PDE3A: variants seen among roughly 807,000 people sequenced by gnomAD.
The protein encoded by PDE3A is cGMP-inhibited 3',5'-cyclic phosphodiesterase 3A.
Under a neutral mutation model 98.3 loss-of-function variants are expected in PDE3A, and 43 were observed. That is an observed-to-expected ratio of 0.44 (90% CI 0.34 to 0.56). PDE3A has a LOEUF of 0.56. PDE3A is among the 20% of genes least tolerant of loss of function. PDE3A has a pLI of 0.01. For missense variants in PDE3A, 1,427 were observed against 1,440.7 expected (o/e 0.99, Z 0.15); for synonymous variants, 663 against 567.9 (o/e 1.17, Z -2.38).
intron 1 of PDE3A, among the ~76,000 whole-genome samples, chr12:20,471,346 G>T (rs1269991079): frequency 6.6e-6 from 1 of 152,134 alleles, no homozygotes; most frequent in African/African-American, 2.4e-5. Flanking sequence ...CCCCATCCGT[G>T]ATCAATTAAA....
At chr12:20,674,023 A>C (rs987091209) in intron 15 of PDE3A, among the ~76,000 whole-genome samples, 3 of 152,022 alleles carry the variant, frequency 2.0e-5, no homozygotes, top group Non-Finnish European at 4.4e-5. Context: ...GTAGTTTTCC[A>C]TGTAGAGGTC....
At chr12:20,579,490 T>G (rs1489238744) in intron 2 of PDE3A, among the ~76,000 whole-genome samples, 2 of 152,180 alleles carry the variant, frequency 1.3e-5, no homozygotes, top group African/African-American at 2.4e-5. Flanking sequence ...AACCAATAAA[T>G]GATACTTACA....
rs117502336 is a variant in PDE3A, at chr12:20,610,427, A to G, written c.1012-3016A>G. ...GTTGGCAAGGGTGTAGAGAAAAGGG[A>G]ACCCTAGAACACTGCTGTTAGAAAT... On this transcript the variant is annotated intron_variant, in intron 2 of 15. Transcript: ENST00000359062. 6.4e-4 allele frequency among the ~76,000 whole-genome samples: 97 copies of G among 152,086 alleles called. 2 individuals are homozygous for G. In the East Asian group the frequency reaches 0.018, roughly 28 times the overall value.
intron 1 of PDE3A, among the ~76,000 whole-genome samples, chr12:20,494,904 C>A (rs7487227): frequency 6.6e-6 from 1 of 151,172 alleles, no homozygotes. Flanking sequence ...AATAGAAGCC[C>A]TATGTTTTGA....
chr12:20,590,803 C>G (rs970297843), intron 2 of PDE3A, among the ~76,000 whole-genome samples: 1 of 152,158 alleles, frequency 6.6e-6, no homozygotes, highest in Non-Finnish European at 1.5e-5. Flanking sequence ...ATAAATGTTT[C>G]ACCTCGGGTA....
At chr12:20,589,637 G>T (rs1943278885) in intron 2 of PDE3A, among the ~76,000 whole-genome samples, 1 of 151,910 alleles carries the variant, frequency 6.6e-6, no homozygotes, top group South Asian at 2.1e-4. Context: ...GGGAGGCCGA[G>T]GCGGGCAGAT....
At chr12:20,411,809 G>A (rs911284902) in intron 1 of PDE3A, among the ~76,000 whole-genome samples, 2 of 151,940 alleles carry the variant, frequency 1.3e-5, no homozygotes, top group Non-Finnish European at 2.9e-5. Context: ...TGTCCCCGAC[G>A]TAGTCTATCC....
At chr12:20,533,650 T>C (rs1202567772) in intron 1 of PDE3A, among the ~76,000 whole-genome samples, 1 of 151,518 alleles carries the variant, frequency 6.6e-6, no homozygotes, top group Non-Finnish European at 1.5e-5. Context: ...CCAGCTAATT[T>C]TTCGTATTTT....
intron 15 of PDE3A, among the ~76,000 whole-genome samples, chr12:20,668,446 C>A (rs1207937287): frequency 2.1e-3 from 323 of 152,084 alleles, no homozygotes; most frequent in African/African-American, 7.2e-3. Context: ...CTTAAATGTC[C>A]CTGTCTGACA....
Position 20,461,925 on chromosome 12 carries a change from A to G in PDE3A, c.960+91681A>G, listed in dbSNP as rs147776776. 4.0e-3 allele frequency among the ~76,000 whole-genome samples: 606 copies of G among 152,296 alleles called. 7 individuals carry two copies. Among genetic ancestry groups the G allele is most frequent in the African/African-American group, 0.014 (568 of 41,562 alleles). On this transcript the variant is annotated intron_variant, in intron 1 of 15. Coordinates refer to ENST00000359062, the MANE Select transcript of PDE3A (RefSeq NM_000921.5). Reference sequence around the variant, plus strand: ...GTATTAGAAGGTTTTAAAAATATCAATTAGAATGGGAATGAAAGGAATACT... The same window carrying G: ...GTATTAGAAGGTTTTAAAAATATCAGTTAGAATGGGAATGAAAGGAATACT...
chr12:20,675,201 T>C (rs1036909165), intron 15 of PDE3A, among the ~76,000 whole-genome samples: 1 of 152,162 alleles, frequency 6.6e-6, no homozygotes, highest in Non-Finnish European at 1.5e-5. Context: ...TTTTTTTAAT[T>C]TTCATGTATT....
intron 1 of PDE3A, among the ~76,000 whole-genome samples, chr12:20,422,862 G>A (rs961962372): frequency 6.6e-6 from 1 of 152,186 alleles, no homozygotes; most frequent in Non-Finnish European, 1.5e-5. Context: ...AACTTGAGTT[G>A]TGACTGTCAG....
rs542347175 is a variant in PDE3A at position 20,389,490 on chromosome 12, G to A, written c.960+19246G>A. On this transcript the variant is annotated intron_variant, in intron 1 of 15. Coordinates refer to ENST00000359062, the MANE Select transcript of PDE3A (RefSeq NM_000921.5). ...GTTTTTAGTGGGAAAGTCACCTTTA[G>A]CATGGTTGGCTCCTAGACTGTAGCT... Among the ~76,000 whole-genome samples, 4 of 152,070 alleles carry A rather than the reference G, an allele frequency of 2.6e-5. No individual in the cohort carries two copies. The East Asian group carries it at 7.8e-4, about 30-fold the overall frequency.
In PDE3A at chr12:20,551,501, C is replaced by T. The variant is rs548407350; in HGVS notation, c.961-5159C>T. On this transcript the variant is annotated intron_variant, in intron 1 of 15. Transcript: ENST00000359062. ...GCATGGCCGTTCTTAGTTGGTGGAG[C>T]GATTTGTCTGGTTAATTCCGATAAC... 8.4e-5 allele frequency: 73 copies of T among 865,992 alleles called. No individual in the cohort carries two copies. In the East Asian group the frequency reaches 1.2e-3, roughly 15 times the overall value. 53.6% of individuals were successfully genotyped at this position (865,992 alleles called of 1,614,324 possible).
At chr12:20,448,406 A>C (rs748768576) in intron 1 of PDE3A, among the ~76,000 whole-genome samples, 1 of 152,174 alleles carries the variant, frequency 6.6e-6, no homozygotes, top group Non-Finnish European at 1.5e-5. Context: ...GCGTCAATGC[A>C]CAACAGCCTG....
chr12:20,637,123 A>T lies in PDE3A; in HGVS notation c.2025A>T (p.Glu675Asp). 3 of 1,608,686 alleles carry T rather than the reference A, an allele frequency of 1.9e-6. No individual in the cohort carries two copies. The highest frequency in any genetic ancestry group is 1.7e-6 in the Non-Finnish European group (2 of 1,177,692). The change falls in exon 9 of 16, where the codon GAA becomes GAT. Residue 675 changes from glutamate (E) to aspartate (D), a missense_variant. Physicochemically the swap from Glu to Asp is conservative, Grantham distance 45 (BLOSUM62 2). Coordinates refer to ENST00000359062, the MANE Select transcript of PDE3A (RefSeq NM_000921.5). The part of the protein sequence containing the change: ...MFLDKPILAP[E>D]PLVMDNLDSI... ...AGGACAAACCAATTCTTGCTCCCGA[A>T]CCTCTTGTCATGGATAACCTGGACT...
chr12:20,611,270 T>C (rs1943845424), intron 2 of PDE3A, among the ~76,000 whole-genome samples: 1 of 151,882 alleles, frequency 6.6e-6, no homozygotes, highest in South Asian at 2.1e-4. Context: ...TGACTATGTA[T>C]CCTAAAATTA....
chr12:20,457,296 G>A (rs1021969687), intron 1 of PDE3A, among the ~76,000 whole-genome samples: 32 of 148,586 alleles, frequency 2.2e-4, no homozygotes, highest in African/African-American at 7.7e-4. Flanking sequence ...TTTTCATTTA[G>A]TTTTGCTCTT....
chr12:20,506,623 G>A (rs996525764), intron 1 of PDE3A, among the ~76,000 whole-genome samples: 1 of 151,742 alleles, frequency 6.6e-6, no homozygotes, highest in African/African-American at 2.4e-5. Context: ...TTATAATTTG[G>A]CTCATACATA....
Sources: allele counts gnomAD v4.1 joint callset (sites outside exome capture counted in the v4.1 genomes callset), GRCh38; gene constraint gnomAD v4.1.1; transcripts MANE v1.5; gene names NCBI Gene and HGNC (gene_info 2026-07-23, HGNC 2026-07-21).